The following FHOD3 variants were observed in gnomAD, a reference collection of about 807,000 sequenced individuals.
FHOD3 encodes the protein formin homology 2 domain containing 3, also known as FH1/FH2 domain-containing protein 3.
Under a neutral mutation model 173.0 loss-of-function variants are expected in FHOD3, and 90 were observed. The observed-to-expected ratio is 0.52, with a 90% CI of 0.44 to 0.62. The LOEUF is 0.62. FHOD3 is among the 20% of genes least tolerant of loss of function. The pLI is 0.00. For missense variants in FHOD3, 1,945 were observed against 2,034.7 expected (o/e 0.96, Z 0.85); for synonymous variants, 828 against 823.0 (o/e 1.01, Z -0.10).
chr18:36,369,506 TAGAGAGAG>T (rs71168219), intron 2 of FHOD3, among the ~76,000 whole-genome samples: 2,422 of 128,164 alleles, frequency 0.019, 35 homozygotes, highest in South Asian at 0.028. Context: ...CACATATATA[TAGAGAGAG>T]AGAGAGAGAG....
intron 1 of FHOD3, among the ~76,000 whole-genome samples, chr18:36,298,542 G>A (rs2091868770): frequency 6.6e-6 from 1 of 152,106 alleles, no homozygotes; most frequent in African/African-American, 2.4e-5. Context: ...CTTCCCCCGG[G>A]GGCGCCGCCG....
chr18:36,673,642 G>A (rs570005069), intron 14 of FHOD3, among the ~76,000 whole-genome samples: 8 of 152,256 alleles, frequency 5.3e-5, no homozygotes, highest in Admixed American at 5.2e-4. Context: ...CTGGGATCTG[G>A]ACAGGGGTTC....
intron 19 of FHOD3, among the ~76,000 whole-genome samples, chr18:36,720,233 A>ATTT: frequency 2.9e-5 from 3 of 103,450 alleles, no homozygotes; most frequent in African/African-American, 1.2e-4. Context: ...CCCCGTTCCA[A>ATTT]TTCTTTTTTT....
chr18:36,760,663 G>A lies in FHOD3; in HGVS notation c.4505G>A (p.Ser1502Asn), dbSNP rs745415621. 3 of 1,613,228 alleles carry A rather than the reference G, an allele frequency of 1.9e-6. No homozygotes were observed. Among genetic ancestry groups the A allele is most frequent in the Non-Finnish European group, 2.5e-6 (3 of 1,179,980 alleles). ...CCCCCAAGCCAGCCGCAGGGTCTGA[G>A]CTATGCGGAGGACGCGGCTGAGCAC... is the stretch of plus-strand genomic sequence containing the variant. Reference protein sequence around the residue: ...PAPPSQPQGLSYAEDAAEHEN... With the variant: ...PAPPSQPQGLNYAEDAAEHEN... Residue 1502 changes from serine (S) to asparagine (N), a missense_variant, in exon 27 of 29, where the codon AGC (serine) becomes AAC (asparagine). Ser to Asn is a conservative substitution (Grantham distance 46). Coordinates refer to ENST00000590592, the MANE Select transcript of FHOD3 (RefSeq NM_001281740.3).
chr18:36,745,764 C>T (rs2042125235), intron 23 of FHOD3, among the ~76,000 whole-genome samples: 1 of 149,788 alleles, frequency 6.7e-6, no homozygotes, highest in Non-Finnish European at 1.5e-5. Flanking sequence ...GCCACACCCT[C>T]CATGCACCTG....
At chr18:36,420,320 C>T (rs900312942) in intron 3 of FHOD3, among the ~76,000 whole-genome samples, 1 of 152,196 alleles carries the variant, frequency 6.6e-6, no homozygotes, top group African/African-American at 2.4e-5. Context: ...AACTTACAAC[C>T]TTGGAGTCAT....
chr18:36,576,401 A>G (rs2058651027), intron 5 of FHOD3, 50 bp from the exon 6 acceptor site: 8 of 1,345,328 alleles, frequency 5.9e-6, no homozygotes, highest in East Asian at 2.3e-5. Context: ...ACTGAAGATT[A>G]TATTTCTATA....
chr18:36,398,295 A>G (rs1457866929), intron 3 of FHOD3, among the ~76,000 whole-genome samples: 1 of 152,254 alleles, frequency 6.6e-6, no homozygotes, highest in Non-Finnish European at 1.5e-5. Flanking sequence ...ATGGCATCTC[A>G]GTGCAGATCT....
Position 36,768,134 on chromosome 18 carries a change from C to T in FHOD3, c.4625-1131C>T, listed in dbSNP as rs1384053766. Among the ~76,000 whole-genome samples, 5 of 152,302 alleles carry T rather than the reference C, an allele frequency of 3.3e-5. No homozygotes were observed. In the East Asian group the frequency reaches 7.7e-4, roughly 23 times the overall value. ...CCTACAGGTTTTTGAAGTTGTTGTG[C>T]ATCTACTATAAAATGAAGTGTAGAT... is the stretch of plus-strand genomic sequence containing the variant. On this transcript the variant is annotated intron_variant, in intron 27 of 28. Coordinates refer to ENST00000590592, the MANE Select transcript of FHOD3 (RefSeq NM_001281740.3).
At chr18:36,331,309 G>T (rs1016797641) in intron 1 of FHOD3, among the ~76,000 whole-genome samples, 2 of 152,182 alleles carry the variant, frequency 1.3e-5, no homozygotes, top group Non-Finnish European at 1.5e-5. Flanking sequence ...AAAAGAACTG[G>T]ATTGCCAGAA....
chr18:36,606,297 A>C (rs2032061498), intron 8 of FHOD3, among the ~76,000 whole-genome samples: 1 of 152,192 alleles, frequency 6.6e-6, no homozygotes, highest in Admixed American at 6.5e-5. Context: ...TCAATATCAA[A>C]GTATCAAGGT....
intron 19 of FHOD3, among the ~76,000 whole-genome samples, chr18:36,720,696 CCTT>C (rs5824036): frequency 0.49 from 73,761 of 150,522 alleles, 18,220 homozygotes; most frequent in African/African-American, 0.54. Flanking sequence ...TCCTCCCCCT[CCTT>C]CTCCTCCTCC....
chr18:36,663,856 A>G (rs369532646), intron 14 of FHOD3, among the ~76,000 whole-genome samples: 3 of 152,182 alleles, frequency 2.0e-5, no homozygotes, highest in African/African-American at 7.2e-5. Context: ...TTTGTTGCCA[A>G]TTCCAAGTGG....
chr18:36,413,360 G>T (rs1352078363), intron 3 of FHOD3, among the ~76,000 whole-genome samples: 1 of 152,160 alleles, frequency 6.6e-6, no homozygotes, highest in Non-Finnish European at 1.5e-5. Context: ...CCTCCCAGAG[G>T]TTTAATATTT....
chr18:36,360,681 C>A (rs535396733), intron 2 of FHOD3, among the ~76,000 whole-genome samples: 103 of 152,282 alleles, frequency 6.8e-4, no homozygotes, highest in Non-Finnish European at 7.4e-4. Flanking sequence ...GCCTGCAGAT[C>A]ATGGGCCCTG....
intron 3 of FHOD3, among the ~76,000 whole-genome samples, chr18:36,474,667 G>A (rs1194599210): frequency 6.6e-6 from 1 of 152,090 alleles, no homozygotes; most frequent in East Asian, 1.9e-4. Flanking sequence ...GAAACCCCAC[G>A]GAAGAAACAT....
At chr18:36,459,171 G>T (rs1271131753) in intron 3 of FHOD3, among the ~76,000 whole-genome samples, 2 of 151,954 alleles carry the variant, frequency 1.3e-5, no homozygotes, top group Non-Finnish European at 2.9e-5. Flanking sequence ...CCCATCTACT[G>T]CCCCTTTGGG....
chr18:36,472,139 T>A (rs957186741), intron 3 of FHOD3, among the ~76,000 whole-genome samples: 2 of 152,226 alleles, frequency 1.3e-5, no homozygotes, highest in African/African-American at 4.8e-5. Context: ...ATCTTAAATA[T>A]ATAAGTTACT....
At chr18:36,468,912 A>G (rs2053114874) in intron 3 of FHOD3, among the ~76,000 whole-genome samples, 1 of 152,138 alleles carries the variant, frequency 6.6e-6, no homozygotes, top group Non-Finnish European at 1.5e-5. Flanking sequence ...GCAGGTCTGG[A>G]AAATACAACA....
Sources: gnomAD v4.1 joint callset for allele counts (sites outside exome capture counted in the v4.1 genomes callset) on GRCh38, gnomAD v4.1.1 for gene constraint, MANE v1.5 for transcripts, NCBI Gene and HGNC (gene_info 2026-07-23, HGNC 2026-07-21) for gene names.